The following CRAMP1 variants were observed in gnomAD, a reference collection of about 807,000 sequenced individuals.
CRAMP1 encodes cramped chromatin regulator 1, also known as protein cramped-like.
CRAMP1 carries 50 observed loss-of-function variants against 115.4 expected under a neutral mutation model. That is an observed-to-expected ratio of 0.43 (90% CI 0.35 to 0.55). The LOEUF (loss-of-function observed/expected upper bound fraction) is 0.55. CRAMP1 is among the 20% of genes least tolerant of loss of function. CRAMP1 has a pLI of 0.01. For missense variants in CRAMP1, 1,679 were observed against 1,721.7 expected (o/e 0.98, Z 0.44); for synonymous variants, 866 against 745.4 (o/e 1.16, Z -2.64).
In CRAMP1 at chr16:1,615,070, T is replaced by C. The variant is rs919127061; in HGVS notation, c.346+85T>C. 8.3e-6 allele frequency: 7 copies of C among 843,112 alleles called. No individual in the cohort carries two copies. In the African/African-American group the frequency reaches 1.2e-4, roughly 15 times the overall value. 52.2% of individuals were successfully genotyped at this position (843,112 alleles called of 1,614,324 possible). On this transcript the variant is annotated intron_variant, in intron 2 of 20. Transcript: ENST00000397412. ...GAGGAACCCCTCGCCCCAGCCGGGC[T>C]CCACCCTAGCTCACCCATCCCGCGG...
chr16:1,671,293 G>A lies in CRAMP1; in HGVS notation c.3645+484G>A, dbSNP rs546041196. ...GTGCAGGGGAACTGGGATGGGCTCT[G>A]CTGTCCTCATGCTTCTCCCACGCCC... is the stretch of plus-strand genomic sequence containing the variant. On this transcript the variant is annotated intron_variant, in intron 20 of 20. Coordinates refer to ENST00000397412, the MANE Select transcript of CRAMP1 (RefSeq NM_020825.4). This position sits in a 1 kb window ranked among gnomAD's most constrained non-coding sequence, Gnocchi z 5.0. Among the ~76,000 whole-genome samples, 189 of 152,290 alleles carry A rather than the reference G, an allele frequency of 1.2e-3. 3 individuals are homozygous for A. The highest frequency in any genetic ancestry group is 4.8e-4 in the African/African-American group (20 of 41,558).
chr16:1,654,786 G>A (rs549819177), intron 8 of CRAMP1, among the ~76,000 whole-genome samples: 125 of 152,336 alleles, frequency 8.2e-4, no homozygotes, highest in Non-Finnish European at 3.2e-4. Flanking sequence ...TTCACTGGGC[G>A]TGATGCTTTT....
rs371062747 is a variant in CRAMP1 at position 1,655,225 on chromosome 16, C to T, written c.1044C>T (p.Ile348=). ...SLAQNPRLRM[I]VELHRKVSSL... ...CTGTCTGTCGTCTCCGTAGGATGAT[C>T]GTGGAGCTACATCGAAAGGTCTCCA... Residue 348 remains isoleucine (I), a synonymous_variant, in exon 9 of 21, where the codon ATC becomes ATT. Coordinates refer to ENST00000397412, the MANE Select transcript of CRAMP1 (RefSeq NM_020825.4). 1.6e-5 allele frequency: 26 copies of T among 1,613,516 alleles called. No individual in the cohort carries two copies. Among genetic ancestry groups the T allele is most frequent in the Admixed American group, 3.3e-5 (2 of 60,008 alleles).
chr16:1,626,109 G>A lies in CRAMP1; in HGVS notation c.483G>A (p.Arg161=), dbSNP rs1315395315. The part of the protein sequence containing the change: ...GEKEEGKKVR[R]QWESWSTEDK... ...AGGAAGAAGGCAAAAAGGTCCGGCG[G>A]CAGTGGGAGTCGTGGAGCACAGAGG... Residue 161 remains arginine, a synonymous_variant, in exon 3 of 21, where the codon CGG becomes CGA. Coordinates refer to ENST00000397412, the MANE Select transcript of CRAMP1 (RefSeq NM_020825.4). 4 of 1,550,292 alleles carry A rather than the reference G, an allele frequency of 2.6e-6. No individual in the cohort carries two copies. In the East Asian group the frequency reaches 9.8e-5, roughly 38 times the overall value.
chr16:1,640,351 A>G (rs2036621820), intron 5 of CRAMP1, among the ~76,000 whole-genome samples: 1 of 152,056 alleles, frequency 6.6e-6, no homozygotes, highest in Non-Finnish European at 1.5e-5. Flanking sequence ...TGCTGCTCTG[A>G]TGAGAGGGGT....
chr16:1,668,870 C>G, intron 18 of CRAMP1, 131 bp from the exon 19 acceptor site: 1 of 822,212 alleles, frequency 1.2e-6, no homozygotes. Flanking sequence ...CCTGCCGAGC[C>G]ATGCCATCCA....
intron 2 of CRAMP1, among the ~76,000 whole-genome samples, chr16:1,622,836 A>G (rs1477723503): frequency 1.4e-5 from 2 of 147,666 alleles, no homozygotes; most frequent in South Asian, 2.1e-4. Flanking sequence ...ATCTCAGCTC[A>G]CTGCAACCTC....
intron 3 of CRAMP1, among the ~76,000 whole-genome samples, chr16:1,629,975 C>T (rs1171806310): frequency 1.3e-5 from 2 of 151,940 alleles, no homozygotes; most frequent in East Asian, 3.9e-4. Flanking sequence ...AATGCCACCT[C>T]CCCTCTGGCC....
intron 5 of CRAMP1, 120 bp from the exon 6 acceptor site, chr16:1,641,019 G>A: frequency 1.6e-5 from 11 of 680,294 alleles, no homozygotes; most frequent in Non-Finnish European, 2.8e-5. Context: ...TTATTCCAGA[G>A]GAACTTTAAT....
intron 3 of CRAMP1, among the ~76,000 whole-genome samples, chr16:1,631,305 T>G (rs2036546768): frequency 6.6e-6 from 1 of 152,242 alleles, no homozygotes; most frequent in South Asian, 2.1e-4. Context: ...CTCGCCCCGT[T>G]GGTTCCCCAT....
chr16:1,670,943 A>C, intron 20 of CRAMP1, 134 bp downstream of exon 20: 1 of 780,932 alleles, frequency 1.3e-6, no homozygotes, highest in Non-Finnish European at 2.0e-6. Context: ...GCACGTCCAC[A>C]CTCAGGTCCC....
intron 6 of CRAMP1, among the ~76,000 whole-genome samples, chr16:1,641,590 C>T (rs1420766897): frequency 6.6e-6 from 1 of 152,200 alleles, no homozygotes; most frequent in Non-Finnish European, 1.5e-5. Flanking sequence ...GACAGCTTCC[C>T]TGCCTTCTTG....
rs1353145089 is a variant in CRAMP1 at position 1,671,808 on chromosome 16, C to T, written c.3645+999C>T. Among the ~76,000 whole-genome samples, 1 of 152,216 alleles carries T rather than the reference C, an allele frequency of 6.6e-6. No homozygotes were observed. The highest frequency in any genetic ancestry group is 1.5e-5 in the Non-Finnish European group (1 of 68,038). On this transcript the variant is annotated intron_variant, in intron 20 of 20. Transcript: ENST00000397412. This position sits in a 1 kb window ranked among gnomAD's most constrained non-coding sequence, Gnocchi z 5.0. Reference sequence around the variant, plus strand: ...CAGTATCCGAATGTGAATCGTGACTCTTGAGATGATGAACTCATGGGCAGG... The same window carrying T: ...CAGTATCCGAATGTGAATCGTGACTTTTGAGATGATGAACTCATGGGCAGG...
intron 6 of CRAMP1, 31 bp from the exon 7 acceptor site, chr16:1,652,465 C>T: frequency 2.6e-6 from 4 of 1,535,598 alleles, no homozygotes; most frequent in Non-Finnish European, 3.5e-6. Flanking sequence ...CACTCACAGG[C>T]CTCAGCGTTC....
chr16:1,642,474 C>T (rs541418724), intron 6 of CRAMP1, among the ~76,000 whole-genome samples: 18 of 152,370 alleles, frequency 1.2e-4, no homozygotes, highest in Admixed American at 1.2e-3. Flanking sequence ...ACAGACTTCC[C>T]AGAGTGGGTC....
chr16:1,624,215 C>T (rs541884695), intron 2 of CRAMP1, among the ~76,000 whole-genome samples: 11 of 151,476 alleles, frequency 7.3e-5, no homozygotes, highest in East Asian at 1.9e-4. Context: ...TGCAATGGCA[C>T]GATCTCTGCT....
At chr16:1,660,966 G>A (rs551927413) in intron 11 of CRAMP1, among the ~76,000 whole-genome samples, 36 of 152,126 alleles carry the variant, frequency 2.4e-4, no homozygotes, top group Admixed American at 2.0e-4. Context: ...CCAAGATCGC[G>A]CCACTGCACT....
At chr16:1,633,793 T>C (rs911180376) in intron 4 of CRAMP1, among the ~76,000 whole-genome samples, 3 of 152,134 alleles carry the variant, frequency 2.0e-5, no homozygotes, top group Non-Finnish European at 4.4e-5. Flanking sequence ...CAGTCCAGGC[T>C]GCGCGCGGTG....
intron 6 of CRAMP1, among the ~76,000 whole-genome samples, chr16:1,645,177 C>T (rs1020022158): frequency 7.2e-5 from 11 of 151,894 alleles, no homozygotes; most frequent in Admixed American, 3.3e-4. Context: ...ATTAACACTT[C>T]GTTGGTTTAT....
Sources: allele counts gnomAD v4.1 joint callset (sites outside exome capture counted in the v4.1 genomes callset), GRCh38; gene constraint gnomAD v4.1.1; non-coding constraint Gnocchi (gnomAD v3.1); transcripts MANE v1.5; gene names NCBI Gene and HGNC (gene_info 2026-07-23, HGNC 2026-07-21).